The following FOXP1 variants were observed in gnomAD, a reference collection of about 807,000 sequenced individuals.
FOXP1 encodes the protein forkhead box protein P1.
In FOXP1, 15 loss-of-function variants were observed where a neutral mutation model predicts 98.2. That is an observed-to-expected ratio of 0.15 (90% confidence interval 0.10 to 0.24). The LOEUF is 0.24. Among genes scored for constraint, FOXP1 ranks in the 10% least tolerant of loss-of-function variants. The probability of loss-of-function intolerance (pLI) is 1.00; values close to 1 mark genes in which losing one functional copy is unlikely to be tolerated. For synonymous variants in FOXP1, 371 were observed against 314.5 expected (o/e 1.18, Z -1.90); for missense variants, 633 against 848.5 (o/e 0.75, Z 3.15).
chr3:71,022,885 T>C (rs1365182653), intron 11 of FOXP1, among the ~76,000 whole-genome samples: 1 of 152,160 alleles, frequency 6.6e-6, no homozygotes, highest in Non-Finnish European at 1.5e-5. Flanking sequence ...GAGTAGGTGC[T>C]GAATGGAAAT....
intron 4 of FOXP1, among the ~76,000 whole-genome samples, chr3:71,339,814 G>A (rs946209860): frequency 9.9e-5 from 15 of 152,220 alleles, no homozygotes; most frequent in African/African-American, 3.4e-4. Flanking sequence ...AGAAAGTTAA[G>A]ATACAGAATC....
intron 5 of FOXP1, among the ~76,000 whole-genome samples, chr3:71,202,922 C>A (rs1456152482): frequency 6.6e-6 from 1 of 152,162 alleles, no homozygotes; most frequent in African/African-American, 2.4e-5. Flanking sequence ...AGGGACGTTG[C>A]ACCCTCTTTT....
chr3:71,564,517 G>C (rs1390332509), intron 2 of FOXP1, among the ~76,000 whole-genome samples: 3 of 152,152 alleles, frequency 2.0e-5, no homozygotes, highest in Admixed American at 2.0e-4. Flanking sequence ...AATAAGCTTT[G>C]AGTCACCCAA....
intron 3 of FOXP1, among the ~76,000 whole-genome samples, chr3:71,438,949 C>G (rs1193533735): frequency 6.7e-6 from 1 of 149,978 alleles, no homozygotes; most frequent in Non-Finnish European, 1.5e-5. Context: ...GGGACAGGAG[C>G]TCTTCGGAGG....
chr3:71,274,097 C>T (rs1317095792), intron 5 of FOXP1, among the ~76,000 whole-genome samples: 2 of 152,074 alleles, frequency 1.3e-5, no homozygotes, highest in African/African-American at 2.4e-5. Flanking sequence ...TTCCTTGGGT[C>T]GAATATTTCA....
chr3:71,289,504 C>A (rs1183111499), intron 5 of FOXP1: 1 of 152,136 alleles, frequency 6.6e-6, no homozygotes, highest in Admixed American at 6.5e-5. Context: ...CAGGTGTGAG[C>A]CCCCATGCTC....
At chr3:71,416,105 T>C (rs993043443) in intron 3 of FOXP1, among the ~76,000 whole-genome samples, 1 of 152,236 alleles carries the variant, frequency 6.6e-6, no homozygotes, top group African/African-American at 2.4e-5. Context: ...CCTGTAAAGT[T>C]ACATTCTTGT....
At chr3:71,074,388 G>A (rs1229516775) in intron 7 of FOXP1, among the ~76,000 whole-genome samples, 2 of 151,990 alleles carry the variant, frequency 1.3e-5, no homozygotes, top group East Asian at 1.9e-4. Flanking sequence ...CTCCACGCCC[G>A]GCTAATTTTT....
At chr3:71,098,391 G>A (rs2056663150) in intron 7 of FOXP1, among the ~76,000 whole-genome samples, 1 of 152,220 alleles carries the variant, frequency 6.6e-6, no homozygotes, top group Non-Finnish European at 1.5e-5. Flanking sequence ...GCAGGCACAG[G>A]GCATTAGGGT....
chr3:71,241,310 A>G (rs2067260901), intron 5 of FOXP1, among the ~76,000 whole-genome samples: 1 of 152,190 alleles, frequency 6.6e-6, no homozygotes, highest in Admixed American at 6.5e-5. Context: ...AAAGCAACAC[A>G]ATTTGTGACC....
intron 20 of FOXP1, among the ~76,000 whole-genome samples, chr3:70,961,393 G>A: frequency 6.6e-6 from 1 of 151,752 alleles, no homozygotes; most frequent in East Asian, 2.0e-4. Context: ...ACCACACCTG[G>A]CTAATTTTTG....
At chr3:71,342,051 G>A (rs1418481289) in intron 4 of FOXP1, among the ~76,000 whole-genome samples, 1 of 140,428 alleles carries the variant, frequency 7.1e-6, no homozygotes, top group African/African-American at 2.5e-5. Context: ...TACATAACTA[G>A]TCTTATGAAT....
At chr3:71,276,830 G>A (rs1471422571) in intron 5 of FOXP1, among the ~76,000 whole-genome samples, 1 of 151,954 alleles carries the variant, frequency 6.6e-6, no homozygotes, top group Non-Finnish European at 1.5e-5. Context: ...AGCCTACAGT[G>A]GTACAGAACA....
intron 5 of FOXP1, among the ~76,000 whole-genome samples, chr3:71,263,830 G>A (rs1405451617): frequency 6.6e-6 from 1 of 151,122 alleles, no homozygotes; most frequent in Admixed American, 6.6e-5. Flanking sequence ...CTACAGCCTC[G>A]ACTTCCCAGG....
chr3:71,391,546 T>C (rs1160900126), intron 3 of FOXP1, among the ~76,000 whole-genome samples: 1 of 152,206 alleles, frequency 6.6e-6, no homozygotes, highest in East Asian at 1.9e-4. Context: ...CTTTCGCTTG[T>C]GCGGGCCTCA....
intron 3 of FOXP1, among the ~76,000 whole-genome samples, chr3:71,396,957 T>TATACAC (rs2081446781): frequency 1.6e-4 from 8 of 50,104 alleles, no homozygotes; most frequent in Admixed American, 5.0e-4. Context: ...TGTGTATATA[T>TATACAC]ATATATGTGT....
chr3:71,056,634 C>G (rs1455355015), intron 7 of FOXP1, among the ~76,000 whole-genome samples: 1 of 152,200 alleles, frequency 6.6e-6, no homozygotes, highest in Non-Finnish European at 1.5e-5. Context: ...CTTTTACTAT[C>G]TGAAACCACG....
intron 2 of FOXP1, among the ~76,000 whole-genome samples, chr3:71,521,212 AC>A (rs566647216): frequency 3.8e-3 from 575 of 152,248 alleles, no homozygotes; most frequent in Non-Finnish European, 6.7e-3. Flanking sequence ...TGTGGTATCT[AC>A]ACTGTAATCT....
intron 3 of FOXP1, among the ~76,000 whole-genome samples, chr3:71,471,439 G>A (rs1455456282): frequency 1.3e-5 from 2 of 152,004 alleles, no homozygotes; most frequent in Admixed American, 6.6e-5. Flanking sequence ...TTTTTCTACT[G>A]TACCCAATAT....
Sources: allele counts gnomAD v4.1 joint callset (sites outside exome capture counted in the v4.1 genomes callset), GRCh38; gene constraint gnomAD v4.1.1; transcripts MANE v1.5; gene names NCBI Gene and HGNC (gene_info 2026-07-23, HGNC 2026-07-21).